CNTN6: variants seen among roughly 807,000 people sequenced by gnomAD.
CNTN6 encodes the protein contactin-6.
Under a neutral mutation model 122.8 loss-of-function variants are expected in CNTN6, and 137 were observed. That is an observed-to-expected ratio of 1.12 (90% CI 0.97 to 1.29). CNTN6 has a LOEUF of 1.29. CNTN6 is among the 50% of genes most tolerant of loss of function. CNTN6 has a pLI of 0.00. For missense variants in CNTN6, 1,634 were observed against 1,223.4 expected, an observed-to-expected ratio of 1.34 and a Z score of -5.01; for synonymous variants, 570 against 426.0, an observed-to-expected ratio of 1.34 and a Z score of -4.16.
At chr3:1,175,478 C>T (rs912763455) in intron 2 of CNTN6, among the ~76,000 whole-genome samples, 8 of 152,186 alleles carry the variant, frequency 5.3e-5, no homozygotes, top group African/African-American at 1.9e-4. Context: ...TAGCCAATTG[C>T]AGATAGCAAC....
chr3:1,362,381 A>G (rs1362548312), intron 12 of CNTN6, among the ~76,000 whole-genome samples: 2 of 152,126 alleles, frequency 1.3e-5, no homozygotes, highest in East Asian at 3.9e-4. Context: ...AAGTTCTCAG[A>G]CAAGGGCTTT....
chr3:1,237,575 A>C (rs73002328), intron 4 of CNTN6, among the ~76,000 whole-genome samples: 5,041 of 152,258 alleles, frequency 0.033, 100 homozygotes, highest in Middle Eastern at 0.054. Flanking sequence ...TCACAAAAAG[A>C]TAATCACCTA....
chr3:1,134,412 C>A (rs900373433), intron 1 of CNTN6, among the ~76,000 whole-genome samples: 1 of 152,090 alleles, frequency 6.6e-6, no homozygotes, highest in African/African-American at 2.4e-5. Context: ...CTCTGTGGAA[C>A]CTAAGCCCTT....
intron 1 of CNTN6, among the ~76,000 whole-genome samples, chr3:1,097,894 C>A (rs9861700): frequency 0.18 from 26,671 of 151,896 alleles, 4,864 homozygotes; most frequent in African/African-American, 0.47. Context: ...TTATAATTAT[C>A]ATCTAATCAA....
intron 20 of CNTN6, among the ~76,000 whole-genome samples, chr3:1,390,742 G>A (rs1009537718): frequency 1.1e-4 from 16 of 151,932 alleles, no homozygotes; most frequent in African/African-American, 3.1e-4. Flanking sequence ...CAATCCCACA[G>A]AAATACAAAC....
In CNTN6 at chr3:1,093,570, A is replaced by G. The variant is rs945042139; in HGVS notation, c.-83+450A>G. Among the ~76,000 whole-genome samples, 5 of 150,338 alleles carry G rather than the reference A, an allele frequency of 3.3e-5. No homozygotes were observed. The East Asian group carries it at 9.8e-4, about 29-fold the overall frequency. The stretch of plus-strand genomic sequence containing the variant: ...CAAAGGGATGAGGGGTGGGGTTTGC[A>G]GTTCTCACCGGATGATTTAAAAGAA... On this transcript the variant is annotated intron_variant, in intron 1 of 22. Coordinates refer to ENST00000446702, the MANE Select transcript of CNTN6 (RefSeq NM_001289080.2).
intron 2 of CNTN6, among the ~76,000 whole-genome samples, chr3:1,149,067 A>C (rs549124520): frequency 3.9e-5 from 6 of 152,186 alleles, no homozygotes; most frequent in Non-Finnish European, 8.8e-5. Flanking sequence ...ATGTGGAATG[A>C]CACTACATCT....
intron 5 of CNTN6, among the ~76,000 whole-genome samples, chr3:1,284,862 A>AG (rs764314676): frequency 6.6e-6 from 1 of 152,200 alleles, no homozygotes; most frequent in Non-Finnish European, 1.5e-5. Context: ...AACCACGTCT[A>AG]GCATGTTGGG....
chr3:1,190,784 G>A (rs1444738671), intron 2 of CNTN6, among the ~76,000 whole-genome samples: 3 of 152,066 alleles, frequency 2.0e-5, no homozygotes, highest in Non-Finnish European at 2.9e-5. Context: ...TTTTTGACGC[G>A]TGACTCACTA....
intron 8 of CNTN6, among the ~76,000 whole-genome samples, chr3:1,325,495 C>G (rs1701403864): frequency 6.6e-6 from 1 of 151,816 alleles, no homozygotes; most frequent in Non-Finnish European, 1.5e-5. Context: ...GACCTATGTT[C>G]TAATATTTAG....
At chr3:1,267,725 A>C (rs77155161) in intron 4 of CNTN6, among the ~76,000 whole-genome samples, 2,697 of 152,324 alleles carry the variant, frequency 0.018, 86 homozygotes, top group African/African-American at 0.061. Context: ...ATAAAAATTA[A>C]CAAGTGGAGA....
intron 8 of CNTN6, among the ~76,000 whole-genome samples, chr3:1,324,875 C>T (rs2125984074): frequency 6.7e-6 from 1 of 149,640 alleles, no homozygotes; most frequent in East Asian, 2.0e-4. Context: ...CCTAACATCG[C>T]TGCGAGAATC....
chr3:1,210,219 A>G (rs1399814008), intron 2 of CNTN6, among the ~76,000 whole-genome samples: 1 of 152,000 alleles, frequency 6.6e-6, no homozygotes, highest in Non-Finnish European at 1.5e-5. Flanking sequence ...AGGACACTTG[A>G]CCTCTCTAGA....
intron 7 of CNTN6, among the ~76,000 whole-genome samples, chr3:1,311,905 C>G (rs945096707): frequency 6.6e-6 from 1 of 151,940 alleles, no homozygotes; most frequent in African/African-American, 2.4e-5. Context: ...AGCCAATCTC[C>G]TATTGGTGGA....
At chr3:1,218,386 G>A (rs1473330941) in intron 2 of CNTN6, among the ~76,000 whole-genome samples, 11 of 152,222 alleles carry the variant, frequency 7.2e-5, no homozygotes, top group Admixed American at 2.0e-4. Flanking sequence ...GAATATGTCT[G>A]TGTACCAAGT....
intron 4 of CNTN6, among the ~76,000 whole-genome samples, chr3:1,236,940 G>C (rs1220678719): frequency 6.6e-6 from 1 of 151,974 alleles, no homozygotes; most frequent in Non-Finnish European, 1.5e-5. Context: ...AATTAGCCAA[G>C]CGTGGTGGTG....
intron 7 of CNTN6, among the ~76,000 whole-genome samples, chr3:1,312,229 A>T (rs576918553): frequency 3.3e-4 from 50 of 151,382 alleles, no homozygotes; most frequent in African/African-American, 9.9e-4. Context: ...GTTTTTGAAA[A>T]TTTTTTTTTC....
chr3:1,157,845 A>G (rs114625539), intron 2 of CNTN6, among the ~76,000 whole-genome samples: 2,232 of 152,290 alleles, frequency 0.015, 61 homozygotes, highest in African/African-American at 0.051. Context: ...TTTATGACTG[A>G]ATAGTACTCC....
chr3:1,238,433 T>C (rs2094446568), intron 4 of CNTN6, among the ~76,000 whole-genome samples: 1 of 152,110 alleles, frequency 6.6e-6, no homozygotes, highest in Non-Finnish European at 1.5e-5. Flanking sequence ...TGCTCCCAAA[T>C]TTATAAAACA....
Sources: allele counts gnomAD v4.1 joint callset (sites outside exome capture counted in the v4.1 genomes callset), GRCh38; gene constraint gnomAD v4.1.1; transcripts MANE v1.5; gene names NCBI Gene and HGNC (gene_info 2026-07-23, HGNC 2026-07-21).